Variants in IRAK1BP1 observed in about 807,000 individuals in gnomAD.
The protein encoded by IRAK1BP1 is interleukin 1 receptor associated kinase 1 binding protein 1.
IRAK1BP1 carries 24 observed loss-of-function variants against 28.0 expected under a neutral mutation model. That is an observed-to-expected ratio of 0.86 (90% CI 0.62 to 1.20). IRAK1BP1 has a LOEUF of 1.20. Among genes scored for constraint, IRAK1BP1 ranks in the 50% most tolerant of loss-of-function variants. IRAK1BP1 has a pLI of 0.00. For missense variants in IRAK1BP1, 336 were observed against 316.7 expected (o/e 1.06, Z -0.46); for synonymous variants, 131 against 116.3 (o/e 1.13, Z -0.81).
chr6:78,868,044 G>C (rs1284789071), intron 1 of IRAK1BP1, among the ~76,000 whole-genome samples, 153 bp downstream of exon 1: 1 of 152,214 alleles, frequency 6.6e-6, no homozygotes, highest in African/African-American at 2.4e-5. Context: ...GGGACGCCAG[G>C]ACCTGGCAGA....
the IRAK1BP1 span, among the ~76,000 whole-genome samples, chr6:78,951,557 T>G: frequency 6.6e-6 from 1 of 152,192 alleles, no homozygotes; most frequent in South Asian, 2.1e-4. Flanking sequence ...TTCTCTTCTG[T>G]GACAGTAATT....
intron 4 of IRAK1BP1, among the ~76,000 whole-genome samples, chr6:78,924,304 C>T (rs1053128303): frequency 7.9e-5 from 12 of 152,172 alleles, no homozygotes; most frequent in South Asian, 2.1e-4. Flanking sequence ...CGCAAATAAA[C>T]TAGAAAATCT....
At chr6:78,903,211 G>T (rs1772165737), downstream of IRAK1BP1, 1 of 617,692 alleles carries the variant, frequency 1.6e-6, no homozygotes, top group East Asian at 2.8e-5. Context: ...GGCCAGGCAT[G>T]GTGGCTCACA....
the IRAK1BP1 span, among the ~76,000 whole-genome samples, chr6:78,971,801 G>C: frequency 2.0e-4 from 31 of 152,154 alleles, no homozygotes; most frequent in Non-Finnish European, 4.3e-4. Context: ...ACTCCCACCC[G>C]AATACTGCGC....
At chr6:78,929,977 C>T (rs1437219469) in intron 4 of IRAK1BP1, among the ~76,000 whole-genome samples, 1 of 152,106 alleles carries the variant, frequency 6.6e-6, no homozygotes, top group Admixed American at 6.5e-5. Flanking sequence ...CCCTCTGTCA[C>T]TCAGGCTGGA....
At chr6:78,922,450 G>C (rs181990239) in intron 4 of IRAK1BP1, among the ~76,000 whole-genome samples, 8 of 152,322 alleles carry the variant, frequency 5.3e-5, no homozygotes, top group Admixed American at 5.2e-4. Flanking sequence ...CATCTGATTG[G>C]TGTACCTGAA....
At chr6:78,903,115 G>T, downstream of IRAK1BP1, 1 of 1,395,190 alleles carries the variant, frequency 7.2e-7, no homozygotes, top group Admixed American at 2.1e-5. Flanking sequence ...CTGAATGTAA[G>T]TTGGTTCATT....
downstream of IRAK1BP1, among the ~76,000 whole-genome samples, chr6:78,906,861 T>C (rs1334297100): frequency 1.3e-5 from 2 of 152,202 alleles, no homozygotes; most frequent in Non-Finnish European, 2.9e-5. Context: ...TATTAATTAA[T>C]CACATTATTT....
intron 4 of IRAK1BP1, among the ~76,000 whole-genome samples, chr6:78,908,381 ACT>A (rs1239012581): frequency 6.6e-6 from 1 of 152,000 alleles, no homozygotes; most frequent in Non-Finnish European, 1.5e-5. Context: ...GCAGGGTCAC[ACT>A]CTGTTGCCCA....
At chr6:78,929,197 T>A (rs1043642859) in intron 4 of IRAK1BP1, among the ~76,000 whole-genome samples, 1 of 152,128 alleles carries the variant, frequency 6.6e-6, no homozygotes, top group African/African-American at 2.4e-5. Context: ...TTACTTGTTA[T>A]TGGTCTGTTG....
intron 4 of IRAK1BP1, chr6:78,938,558 A>C (rs895591559): frequency 1.3e-5 from 2 of 151,656 alleles, no homozygotes; most frequent in African/African-American, 4.8e-5. Flanking sequence ...TTAATGACAA[A>C]TTTCAAACAT....
chr6:78,933,269 GCTT>G (rs1773123845), intron 4 of IRAK1BP1, among the ~76,000 whole-genome samples: 1 of 152,190 alleles, frequency 6.6e-6, no homozygotes, highest in African/African-American at 2.4e-5. Flanking sequence ...TGGATAACTT[GCTT>G]CTTCATCAGC....
intron 4 of IRAK1BP1, among the ~76,000 whole-genome samples, chr6:78,922,026 T>C (rs1772748549): frequency 6.6e-6 from 1 of 152,184 alleles, no homozygotes; most frequent in Non-Finnish European, 1.5e-5. Flanking sequence ...GCTATCCTCC[T>C]CCAAAGGAAC....
At chr6:78,941,036 T>C (rs1404066009) in intron 4 of IRAK1BP1, 1 of 1,613,980 alleles carries the variant, frequency 6.2e-7, no homozygotes, top group Non-Finnish European at 8.5e-7. Context: ...ACGATTCTTT[T>C]TCTGTAACAA....
chr6:78,977,901 G>A, the IRAK1BP1 span, among the ~76,000 whole-genome samples: 1 of 151,880 alleles, frequency 6.6e-6, no homozygotes, highest in African/African-American at 2.4e-5. Context: ...ACTTTATACT[G>A]TAAATTAGTG....
chr6:78,925,229 G>C (rs1772854874), intron 4 of IRAK1BP1, among the ~76,000 whole-genome samples: 1 of 152,112 alleles, frequency 6.6e-6, no homozygotes, highest in Non-Finnish European at 1.5e-5. Flanking sequence ...AAATGACGGA[G>C]TTAGTGGGTA....
rs889932182 is a variant in IRAK1BP1, at chr6:78,945,188, G to A, written c.*68-220G>A. 1.2e-5 allele frequency: 9 copies of A among 740,224 alleles called. No individual in the cohort carries two copies. The Admixed American group carries it at 1.9e-4, about 16-fold the overall frequency. 45.9% of individuals were successfully genotyped at this position (740,224 alleles called of 1,614,324 possible). On this transcript the variant is annotated intron_variant and NMD_transcript_variant, in intron 4 of 4. Transcript: ENST00000606868. ...AGTAAATTTATCAACTAATACAGAT[G>A]TGTGACTTTTAAGTGGGCAACCTGA...
downstream of IRAK1BP1, among the ~76,000 whole-genome samples, chr6:78,949,989 T>C (rs568417426): frequency 5.9e-5 from 9 of 152,014 alleles, no homozygotes; most frequent in Non-Finnish European, 1.3e-4. Context: ...ATGCTTGGCC[T>C]GGGACTCGAG....
At chr6:78,916,959 G>A (rs1772577213) in intron 4 of IRAK1BP1, among the ~76,000 whole-genome samples, 1 of 151,950 alleles carries the variant, frequency 6.6e-6, no homozygotes, top group African/African-American at 2.4e-5. Flanking sequence ...AAAATTAGAA[G>A]TTCCAGTGTC....
Sources: gnomAD v4.1 joint callset for allele counts (sites outside exome capture counted in the v4.1 genomes callset) on GRCh38, gnomAD v4.1.1 for gene constraint, MANE v1.5 for transcripts, NCBI Gene and HGNC (gene_info 2026-07-23, HGNC 2026-07-21) for gene names.